The following SH3KBP1 variants were observed in gnomAD, a reference collection of about 807,000 sequenced individuals.
SH3KBP1 encodes the protein SH3 domain containing kinase binding protein 1.
In SH3KBP1, 8 loss-of-function variants were observed where a neutral mutation model predicts 50.1. The observed-to-expected ratio is 0.16, with a 90% CI of 0.09 to 0.29. The LOEUF (loss-of-function observed/expected upper bound fraction) is 0.29. Ranked by LOEUF, SH3KBP1 falls within the 10% of genes least tolerant of loss-of-function variation. SH3KBP1 has a pLI of 1.00. For synonymous variants in SH3KBP1, 227 were observed against 218.6 expected (o/e 1.04, Z -0.34); for missense variants, 377 against 535.2 (o/e 0.70, Z 2.92).
intron 2 of SH3KBP1, among the ~76,000 whole-genome samples, chrX:19,782,059 A>G (rs2066197683): frequency 9.0e-6 from 1 of 111,698 alleles, no homozygotes; most frequent in Non-Finnish European, 1.9e-5. Flanking sequence ...CAGAATCAGG[A>G]TCTTATTTGG....
intron 2 of SH3KBP1, among the ~76,000 whole-genome samples, chrX:19,793,313 A>AAAAAAAATAT (rs1418807395): frequency 4.6e-4 from 45 of 96,979 alleles, no homozygotes; most frequent in African/African-American, 1.4e-3. Context: ...AGGAAAAAAA[A>AAAAAAAATAT]ATATATATAT....
At chrX:19,821,170 T>A (rs1383795978) in intron 2 of SH3KBP1, among the ~76,000 whole-genome samples, 1 of 111,961 alleles carries the variant, frequency 8.9e-6, no homozygotes, top group Admixed American at 9.5e-5. Flanking sequence ...GCGGGTGGAT[T>A]ACCTGATGCC....
chrX:19,691,687 T>C (rs1441322020), intron 5 of SH3KBP1, among the ~76,000 whole-genome samples: 1 of 110,995 alleles, frequency 9.0e-6, no homozygotes, highest in South Asian at 3.8e-4. Flanking sequence ...GCAACGTATG[T>C]ACTTTATTTG....
At chrX:19,660,354 G>C (rs765070798) in intron 6 of SH3KBP1, among the ~76,000 whole-genome samples, 2 of 112,393 alleles carry the variant, frequency 1.8e-5, no homozygotes, top group South Asian at 7.4e-4. Context: ...TGATGGTTTC[G>C]ATTACAACTT....
intron 13 of SH3KBP1, among the ~76,000 whole-genome samples, chrX:19,560,256 C>T (rs761253558): frequency 9.2e-6 from 1 of 109,164 alleles, no homozygotes; most frequent in Admixed American, 9.7e-5. Flanking sequence ...TATAAAGGGC[C>T]AAATTATCAA....
At chrX:19,697,714 G>C (rs771364483) in intron 4 of SH3KBP1, among the ~76,000 whole-genome samples, 1 of 111,990 alleles carries the variant, frequency 8.9e-6, no homozygotes, top group South Asian at 3.7e-4. Context: ...GGAAGGCTTT[G>C]AGAAAAAAGA....
intron 12 of SH3KBP1, among the ~76,000 whole-genome samples, chrX:19,587,325 G>A (rs1000194029): frequency 6.3e-5 from 7 of 110,982 alleles, no homozygotes; most frequent in Non-Finnish European, 1.3e-4. Flanking sequence ...GCGGCTGCCA[G>A]GGGCTGGGAG....
chrX:19,675,425 T>TC (rs1466698364), intron 6 of SH3KBP1, among the ~76,000 whole-genome samples: 9 of 108,716 alleles, frequency 8.3e-5, no homozygotes, highest in Non-Finnish European at 1.3e-4. Context: ...TTTTTTTTTT[T>TC]CCAGAGTCTC....
chrX:19,805,957 C>A (rs2067033342), intron 2 of SH3KBP1, among the ~76,000 whole-genome samples: 1 of 111,362 alleles, frequency 9.0e-6, no homozygotes, highest in African/African-American at 3.3e-5. Flanking sequence ...TGGTATTTCC[C>A]TCAATGAATA....
chrX:19,820,695 T>C (rs2067500680), intron 2 of SH3KBP1, among the ~76,000 whole-genome samples: 2 of 111,310 alleles, frequency 1.8e-5, no homozygotes, highest in Admixed American at 9.6e-5. Context: ...AAAACACATA[T>C]TGACATGTTA....
chrX:19,787,022 A>G (rs1405880574), intron 2 of SH3KBP1, among the ~76,000 whole-genome samples: 1 of 112,025 alleles, frequency 8.9e-6, no homozygotes, highest in Non-Finnish European at 1.9e-5. Context: ...TTCAATATAT[A>G]CTGTGACTAT....
intron 2 of SH3KBP1, among the ~76,000 whole-genome samples, chrX:19,809,138 C>G (rs1486830330): frequency 8.9e-6 from 1 of 111,844 alleles, no homozygotes; most frequent in Non-Finnish European, 1.9e-5. Context: ...CAATAACTTA[C>G]AGAAATCACC....
chrX:19,747,586 A>G (rs760836175), intron 2 of SH3KBP1: 1 of 339,831 alleles, frequency 2.9e-6, no homozygotes, highest in Admixed American at 3.1e-5. Flanking sequence ...GGGCAGAGGC[A>G]GAAAGAAAGC....
At chrX:19,810,249 G>T (rs185064960) in intron 2 of SH3KBP1, among the ~76,000 whole-genome samples, 1 of 112,325 alleles carries the variant, frequency 8.9e-6, no homozygotes, top group African/African-American at 3.2e-5. Context: ...TTAGCAAAGC[G>T]AGTGACTTGC....
At chrX:19,670,733 C>T in intron 6 of SH3KBP1, 1 of 673,106 alleles carries the variant, frequency 1.5e-6, no homozygotes, top group Non-Finnish European at 2.2e-6. Flanking sequence ...CTAGCTGGCA[C>T]ACACATTGTT....
intron 1 of SH3KBP1, among the ~76,000 whole-genome samples, chrX:19,860,207 T>C (rs1198952525): frequency 2.9e-5 from 3 of 103,333 alleles, no homozygotes; most frequent in African/African-American, 1.1e-4. Flanking sequence ...AGTTCAAGAC[T>C]GTAATGCACT....
intron 14 of SH3KBP1, among the ~76,000 whole-genome samples, chrX:19,546,577 CTG>C (rs1266283481): frequency 2.7e-5 from 3 of 112,204 alleles, no homozygotes; most frequent in Non-Finnish European, 5.6e-5. Context: ...AAGGATGTGT[CTG>C]AGAGAAAACC....
intron 1 of SH3KBP1, among the ~76,000 whole-genome samples, chrX:19,871,634 A>G (rs2069043301): frequency 1.8e-5 from 2 of 111,924 alleles, no homozygotes; most frequent in Non-Finnish European, 3.8e-5. Context: ...TACTTTCCAC[A>G]ATCCTGTCCA....
chrX:19,842,873 G>T (rs1254199819), intron 1 of SH3KBP1, among the ~76,000 whole-genome samples: 1 of 110,876 alleles, frequency 9.0e-6, no homozygotes, highest in Admixed American at 9.7e-5. Flanking sequence ...TCTCAGACCT[G>T]ATCCTCTAGC....
Sources: gnomAD v4.1 joint callset for allele counts (sites outside exome capture counted in the v4.1 genomes callset) on GRCh38, gnomAD v4.1.1 for gene constraint, MANE v1.5 for transcripts, NCBI Gene and HGNC (gene_info 2026-07-23, HGNC 2026-07-21) for gene names.